The following NCR1 variants were observed in gnomAD, a reference collection of about 807,000 sequenced individuals.
NCR1 encodes the protein natural cytotoxicity triggering receptor 1.
NCR1 carries 30 observed loss-of-function variants against 32.5 expected under a neutral mutation model. The ratio of observed to expected loss-of-function variants is 0.92; its 90% confidence interval spans 0.69 to 1.25. The LOEUF is 1.25. NCR1 is among the 50% of genes most tolerant of loss of function. The pLI is 0.00. For missense variants in NCR1, 369 were observed against 380.7 expected (o/e 0.97, Z 0.26); for synonymous variants, 169 against 143.4 (o/e 1.18, Z -1.28).
At chr19:54,919,721 C>T (rs1399267775), downstream of NCR1, among the ~76,000 whole-genome samples, 6 of 146,972 alleles carry the variant, frequency 4.1e-5, no homozygotes, top group Non-Finnish European at 9.0e-5. Context: ...GAGACCCCCC[C>T]CCCCACCCGC....
the NCR1 span, chr19:54,934,646 A>G: frequency 6.2e-7 from 1 of 1,613,446 alleles, no homozygotes. This position sits in a 1 kb window ranked among gnomAD's most constrained non-coding sequence, Gnocchi z 6.7. Context: ...GGGGTGGCAC[A>G]GTGACCTCCC....
chr19:54,911,240 G>A (rs8112255), intron 5 of NCR1, among the ~76,000 whole-genome samples: 98,797 of 151,326 alleles, frequency 0.65, 34,620 homozygotes, highest in Non-Finnish European at 0.81. Context: ...TCCCAGCTAC[G>A]CAAGAGGCTG....
chr19:54,916,773 C>T (rs1287708695), downstream of NCR1, among the ~76,000 whole-genome samples: 2 of 132,708 alleles, frequency 1.5e-5, no homozygotes, highest in Admixed American at 1.8e-4. Context: ...GCTGCAATCT[C>T]GGATCACTGC....
chr19:54,907,513 TTTA>T (rs587669715), intron 3 of NCR1, among the ~76,000 whole-genome samples: 3 of 150,350 alleles, frequency 2.0e-5, no homozygotes, highest in African/African-American at 7.3e-5. Context: ...AATATGGTTG[TTTA>T]TTATTATTAT....
the NCR1 span, among the ~76,000 whole-genome samples, chr19:54,898,737 A>G: frequency 6.6e-5 from 10 of 152,210 alleles, no homozygotes; most frequent in Non-Finnish European, 1.0e-4. Flanking sequence ...TTGATGAAAA[A>G]GAGCCTAAAC....
the NCR1 span, among the ~76,000 whole-genome samples, chr19:54,925,832 C>G: frequency 6.6e-6 from 1 of 152,118 alleles, no homozygotes; most frequent in East Asian, 1.9e-4. Context: ...AACCCCATCT[C>G]TACTAAAAAT....
At chr19:54,927,664 A>C in the NCR1 span, 6 of 1,614,116 alleles carry the variant, frequency 3.7e-6, no homozygotes, top group Non-Finnish European at 5.1e-6. Flanking sequence ...TAATTATGCC[A>C]CTCTTCCACA....
Position 54,906,539 on chromosome 19 carries a change from G to A in NCR1, c.87G>A (p.Pro29=), listed in dbSNP as rs201746638. 1.5e-4 allele frequency: 244 copies of A among 1,608,938 alleles called. 1 individual carries two copies. In the East Asian group the frequency reaches 5.2e-3, roughly 34 times the overall value. The change falls in exon 3 of 7, where the codon CCG becomes CCA. Residue 29 remains proline, a synonymous_variant. Transcript: ENST00000291890. Reference sequence around the variant, plus strand: ...CCCTTCCAGAGACTCTCCCAAAACCGTTCATCTGGGCCGAGCCCCATTTCA... The same window carrying A: ...CCCTTCCAGAGACTCTCCCAAAACCATTCATCTGGGCCGAGCCCCATTTCA... ...ISAQQQTLPK[P]FIWAEPHFMV...
At chr19:54,927,744 A>G in the NCR1 span, 1 of 1,614,148 alleles carries the variant, frequency 6.2e-7, no homozygotes. Flanking sequence ...AGATGCTGAC[A>G]ATAGAAAGGC....
chr19:54,913,660 G>C (rs991124479), downstream of NCR1, among the ~76,000 whole-genome samples: 20 of 152,178 alleles, frequency 1.3e-4, no homozygotes, highest in Admixed American at 1.2e-3. Flanking sequence ...TGCCAGGCAC[G>C]GTGGCTCACA....
At chr19:54,903,420 A>G (rs587614823), upstream of NCR1, among the ~76,000 whole-genome samples, 5 of 136,214 alleles carry the variant, frequency 3.7e-5, no homozygotes, top group South Asian at 6.7e-4. Context: ...ACACGCATAC[A>G]TGTATGTATA....
chr19:54,912,491 T>G (rs907673647), intron 6 of NCR1, among the ~76,000 whole-genome samples, 199 bp from the exon 7 acceptor site: 1 of 150,412 alleles, frequency 6.6e-6, no homozygotes, highest in African/African-American at 2.4e-5. Flanking sequence ...CCCAGCTACT[T>G]GGGAGGCTGA....
chr19:54,923,047 C>T, the NCR1 span, among the ~76,000 whole-genome samples: 4 of 152,106 alleles, frequency 2.6e-5, no homozygotes, highest in African/African-American at 4.8e-5. Context: ...CAGCGTGAGG[C>T]AGGGCCATCT....
chr19:54,909,951 A>G, intron 4 of NCR1, 67 bp from the exon 5 acceptor site: 1 of 1,395,300 alleles, frequency 7.2e-7, no homozygotes, highest in Non-Finnish European at 9.9e-7. Flanking sequence ...AAAAAAAAAA[A>G]AAAAAGAATG....
At chr19:54,901,347 CGA>C (rs2067297471), upstream of NCR1, among the ~76,000 whole-genome samples, 1 of 103,656 alleles carries the variant, frequency 9.6e-6, no homozygotes, top group Non-Finnish European at 1.8e-5. Flanking sequence ...GGTGACAGAG[CGA>C]GAGTCCATCT....
chr19:54,910,303 G>T (rs2067904620), intron 5 of NCR1, among the ~76,000 whole-genome samples: 1 of 152,154 alleles, frequency 6.6e-6, no homozygotes, highest in Non-Finnish European at 1.5e-5. Context: ...TGGGCATCAT[G>T]GCTCACACCT....
the NCR1 span, among the ~76,000 whole-genome samples, chr19:54,926,826 G>C: frequency 6.6e-6 from 1 of 150,474 alleles, no homozygotes; most frequent in Non-Finnish European, 1.5e-5. Context: ...TGAGGCAGGA[G>C]AATCACTTGA....
chr19:54,917,597 A>C (rs1366421034), downstream of NCR1, among the ~76,000 whole-genome samples: 1 of 152,138 alleles, frequency 6.6e-6, no homozygotes, highest in African/African-American at 2.4e-5. Flanking sequence ...CGAGGATTAC[A>C]GGCCCCCGCA....
the NCR1 span, chr19:54,933,639 T>TG: frequency 5.3e-5 from 85 of 1,613,960 alleles, no homozygotes; most frequent in Middle Eastern, 1.6e-4. Context: ...GTATCCCCAA[T>TG]GGGGTTCTTG....
Sources: gnomAD v4.1 joint callset for allele counts (sites outside exome capture counted in the v4.1 genomes callset) on GRCh38, gnomAD v4.1.1 for gene constraint, Gnocchi (gnomAD v3.1) non-coding constraint, MANE v1.5 for transcripts, NCBI Gene and HGNC (gene_info 2026-07-23, HGNC 2026-07-21) for gene names.